The following GPM6B variants were observed in gnomAD, a reference collection of about 807,000 sequenced individuals.
The protein encoded by GPM6B is neuronal membrane glycoprotein M6-b.
In GPM6B, 4 loss-of-function variants were observed where a neutral mutation model predicts 27.2. The ratio of observed to expected loss-of-function variants is 0.15; its 90% CI spans 0.07 to 0.34. The LOEUF (loss-of-function observed/expected upper bound fraction) is 0.34. GPM6B is among the 10% of genes least tolerant of loss of function. The pLI is 1.00. For synonymous variants in GPM6B, 124 were observed against 103.1 expected, an observed-to-expected ratio of 1.20 and a Z score of -1.23; for missense variants, 183 against 261.9, an observed-to-expected ratio of 0.70 and a Z score of 2.08.
intron 4 of GPM6B, 87 bp from the exon 5 acceptor site, chrX:13,780,076 C>A: frequency 1.3e-6 from 1 of 773,370 alleles, no homozygotes; most frequent in Non-Finnish European, 1.8e-6. Context: ...TTTTCAGGCC[C>A]AATACTGACC....
chrX:13,815,396 T>C (rs1831053019), intron 1 of GPM6B, among the ~76,000 whole-genome samples: 1 of 111,530 alleles, frequency 9.0e-6, no homozygotes, highest in South Asian at 3.8e-4. Flanking sequence ...TTGATCTCAC[T>C]TCTTCATCTT....
At chrX:13,809,927 A>G (rs1368145506) in intron 1 of GPM6B, among the ~76,000 whole-genome samples, 1 of 89,395 alleles carries the variant, frequency 1.1e-5, no homozygotes, top group Non-Finnish European at 2.1e-5. Flanking sequence ...AAAAAAAAAA[A>G]AAAAAGAGTA....
chrX:13,888,436 A>C (rs976802792), intron 1 of GPM6B, among the ~76,000 whole-genome samples: 1 of 112,240 alleles, frequency 8.9e-6, no homozygotes, highest in African/African-American at 3.2e-5. Context: ...TTTCTAACTG[A>C]GCCAGTATTT....
chrX:13,938,604 G>T, upstream of GPM6B: 1 of 434,739 alleles, frequency 2.3e-6, no homozygotes, highest in Non-Finnish European at 3.4e-6. Context: ...GGTCTCGCGG[G>T]CACGTGCGCT....
intron 1 of GPM6B, among the ~76,000 whole-genome samples, chrX:13,842,966 T>C (rs972323873): frequency 2.7e-5 from 3 of 111,580 alleles, no homozygotes; most frequent in African/African-American, 9.8e-5. Context: ...ATTTTAAGTG[T>C]ACAATTTTTA....
chrX:13,784,246 G>T (rs1052497942), intron 3 of GPM6B, among the ~76,000 whole-genome samples: 2 of 112,652 alleles, frequency 1.8e-5, no homozygotes, highest in Admixed American at 9.3e-5. Flanking sequence ...TTGGTCTGGG[G>T]TAAGGCATGG....
intron 2 of GPM6B, among the ~76,000 whole-genome samples, chrX:13,802,816 A>T (rs1373275412): frequency 9.0e-6 from 1 of 111,691 alleles, no homozygotes; most frequent in African/African-American, 3.3e-5. Context: ...GGCATCAGAC[A>T]GACTGAGAGC....
intron 2 of GPM6B, among the ~76,000 whole-genome samples, chrX:13,807,003 A>C (rs1170203028): frequency 9.0e-6 from 1 of 111,664 alleles, no homozygotes; most frequent in African/African-American, 3.3e-5. Context: ...TAGGTCCCCA[A>C]ATCAGCTGTC....
intron 2 of GPM6B, among the ~76,000 whole-genome samples, chrX:13,792,897 TAAAAAAA>T (rs748291980): frequency 9.9e-5 from 8 of 80,948 alleles, no homozygotes; most frequent in South Asian, 7.2e-4. Flanking sequence ...AGACTCCGTT[TAAAAAAA>T]AAAAAAAAAA....
chrX:13,872,434 T>C (rs1238970155), intron 1 of GPM6B, among the ~76,000 whole-genome samples: 2 of 110,875 alleles, frequency 1.8e-5, no homozygotes, highest in Non-Finnish European at 3.8e-5. Flanking sequence ...CCTCCCAAAG[T>C]GCTGGGATTA....
chrX:13,832,725 ATT>A (rs1045719341), intron 1 of GPM6B, among the ~76,000 whole-genome samples: 1 of 112,060 alleles, frequency 8.9e-6, no homozygotes, highest in African/African-American at 3.2e-5. Flanking sequence ...GGATGAAGTC[ATT>A]TAGGTCCTTT....
chrX:13,821,208 G>A (rs1320458737), upstream of GPM6B, among the ~76,000 whole-genome samples: 4 of 111,935 alleles, frequency 3.6e-5, no homozygotes, highest in Admixed American at 1.9e-4. Context: ...TCTCTTTCAC[G>A]ATCACCCTCA....
chrX:13,917,365 A>G, intron 1 of GPM6B, among the ~76,000 whole-genome samples: 1 of 112,680 alleles, frequency 8.9e-6, no homozygotes, highest in Non-Finnish European at 1.9e-5. Context: ...TTCTCCAAAC[A>G]ATTTATGTGA....
At chrX:13,866,134 C>T (rs774813943) in intron 1 of GPM6B, among the ~76,000 whole-genome samples, 192 of 112,013 alleles carry the variant, frequency 1.7e-3, no homozygotes, top group African/African-American at 5.9e-3. Context: ...GAGGCTGAGG[C>T]TGGCGGATCA....
chrX:13,886,107 A>G (rs760158179), intron 1 of GPM6B, among the ~76,000 whole-genome samples: 11 of 112,360 alleles, frequency 9.8e-5, no homozygotes, highest in Non-Finnish European at 2.1e-4. Context: ...CTGATTCTAC[A>G]ACACCTAAGC....
intron 1 of GPM6B, among the ~76,000 whole-genome samples, chrX:13,921,578 C>A (rs759310300): frequency 1.0e-4 from 6 of 59,912 alleles, no homozygotes; most frequent in African/African-American, 3.9e-4. Flanking sequence ...TATAACCCCC[C>A]CCCTTTTTTT....
chrX:13,773,181 G>A (rs974262738), intron 7 of GPM6B, 151 bp from the exon 8 acceptor site: 2 of 418,385 alleles, frequency 4.8e-6, no homozygotes, highest in Non-Finnish European at 8.0e-6. Flanking sequence ...GTCAGATCCT[G>A]AAAGCATGCT....
At chrX:13,860,438 GT>G (rs34401183) in intron 1 of GPM6B, among the ~76,000 whole-genome samples, 1,320 of 86,212 alleles carry the variant, frequency 0.015, 21 homozygotes, top group African/African-American at 0.044. Context: ...AAAACGTGGG[GT>G]TTTTTTTTTT....
At chrX:13,780,057 G>T in intron 4 of GPM6B, 68 bp from the exon 5 acceptor site, 26 of 970,756 alleles carry the variant, frequency 2.7e-5, no homozygotes, top group Non-Finnish European at 3.7e-5. Flanking sequence ...TAAGTGGAAG[G>T]ATTGTGCATT....
Sources: allele counts gnomAD v4.1 joint callset (sites outside exome capture counted in the v4.1 genomes callset), GRCh38; gene constraint gnomAD v4.1.1; transcripts MANE v1.5; gene names NCBI Gene and HGNC (gene_info 2026-07-23, HGNC 2026-07-21).